PACS1: variants seen among roughly 807,000 people sequenced by gnomAD.
The protein encoded by PACS1 is PACS-1.
Under a neutral mutation model 115.0 loss-of-function variants are expected in PACS1, and 24 were observed. The observed-to-expected ratio is 0.21, with a 90% CI of 0.15 to 0.29. The LOEUF is 0.29. PACS1 is among the 10% of genes least tolerant of loss of function. The pLI is 1.00. For synonymous variants in PACS1, 453 were observed against 504.5 expected (o/e 0.90, Z 1.37); for missense variants, 838 against 1,251.2 (o/e 0.67, Z 4.98).
chr11:66,156,620 C>T (rs1007361314), intron 1 of PACS1, among the ~76,000 whole-genome samples: 73 of 152,018 alleles, frequency 4.8e-4, no homozygotes, highest in African/African-American at 1.5e-3. Context: ...TTTGGGAGGC[C>T]GAGGCAGGCG....
In PACS1 at chr11:66,243,577, G is replaced by A. The variant is rs1285069003; in HGVS notation, c.*297G>A. 2.8e-6 allele frequency: 1 copy of A among 352,438 alleles called. No homozygotes were observed. The highest frequency in any genetic ancestry group is 5.3e-6 in the Non-Finnish European group (1 of 189,888). 21.8% of individuals were successfully genotyped at this position (352,438 alleles called of 1,614,324 possible). On this transcript the variant is annotated 3_prime_UTR_variant, in exon 24 of 24. Coordinates refer to ENST00000320580, the MANE Select transcript of PACS1 (RefSeq NM_018026.4). Reference sequence around the variant, plus strand: ...ATAGTCCCCTGGACTGAGTCCCCCAGGCCTTCCTTCACCCGACTTCCAAAC... The same window carrying A: ...ATAGTCCCCTGGACTGAGTCCCCCAAGCCTTCCTTCACCCGACTTCCAAAC...
chr11:66,149,349 C>T (rs1326926599), intron 1 of PACS1, among the ~76,000 whole-genome samples: 1 of 152,106 alleles, frequency 6.6e-6, no homozygotes, highest in Non-Finnish European at 1.5e-5. Flanking sequence ...GCCTCGGCCT[C>T]CCAAAGTGCT....
At chr11:66,161,301 A>G (rs578001144) in intron 1 of PACS1, among the ~76,000 whole-genome samples, 1 of 152,258 alleles carries the variant, frequency 6.6e-6, no homozygotes, top group Admixed American at 6.5e-5. Context: ...ACTAAAAAAA[A>G]ATTAGCCGGG....
In PACS1 at chr11:66,236,340, C is replaced by T. The variant is rs993804157; in HGVS notation, c.2250+400C>T. ...TGTTTATTACACCAGGCCCTGACCTCGCTGCCTTCACCCGGGGAGTGATGT... is the reference window on the plus strand; with the variant it reads ...TGTTTATTACACCAGGCCCTGACCTTGCTGCCTTCACCCGGGGAGTGATGT... On this transcript the variant is annotated intron_variant, in intron 19 of 23. Coordinates refer to ENST00000320580, the MANE Select transcript of PACS1 (RefSeq NM_018026.4). This position sits in a 1 kb window ranked among gnomAD's most constrained non-coding sequence, Gnocchi z 4.2. 5.3e-5 allele frequency among the ~76,000 whole-genome samples: 8 copies of T among 152,208 alleles called. No individual in the cohort carries two copies. The highest frequency in any genetic ancestry group is 1.2e-4 in the Non-Finnish European group (8 of 68,040).
At chr11:66,187,841 A>G (rs1426719616) in intron 1 of PACS1, among the ~76,000 whole-genome samples, 6 of 152,108 alleles carry the variant, frequency 3.9e-5, no homozygotes, top group African/African-American at 1.4e-4. Context: ...GGATTGCTGG[A>G]TCATGTGGTA....
chr11:66,073,609 A>G (rs1449545976), intron 1 of PACS1, among the ~76,000 whole-genome samples: 1 of 152,228 alleles, frequency 6.6e-6, no homozygotes. Flanking sequence ...GTTGTTCTTC[A>G]GGTAGGTGTC....
At chr11:66,171,463 GCTTT>G (rs1262261908) in intron 1 of PACS1, among the ~76,000 whole-genome samples, 2 of 149,628 alleles carry the variant, frequency 1.3e-5, no homozygotes, top group African/African-American at 2.5e-5. Context: ...CTTAACTTAT[GCTTT>G]CTATTTGTTC....
intron 19 of PACS1, chr11:66,237,996 C>T: frequency 1.1e-6 from 1 of 932,762 alleles, no homozygotes; most frequent in Non-Finnish European, 1.3e-6. Flanking sequence ...GCCCAGCTGC[C>T]TCTTTGCCTA....
At chr11:66,101,535 C>T (rs963456862) in intron 1 of PACS1, among the ~76,000 whole-genome samples, 6 of 151,860 alleles carry the variant, frequency 4.0e-5, no homozygotes, top group African/African-American at 7.3e-5. Flanking sequence ...TTGATCATGA[C>T]GGGGTAGGAA....
intron 1 of PACS1, among the ~76,000 whole-genome samples, chr11:66,100,279 G>C (rs971823645): frequency 2.0e-5 from 3 of 152,106 alleles, no homozygotes; most frequent in African/African-American, 7.2e-5. Flanking sequence ...TTGCATGTTT[G>C]TAAGTACCTC....
At chr11:66,075,976 A>T (rs1857389350) in intron 1 of PACS1, among the ~76,000 whole-genome samples, 1 of 152,138 alleles carries the variant, frequency 6.6e-6, no homozygotes, top group Admixed American at 6.5e-5. Flanking sequence ...TGACCTCGTG[A>T]TCCACCTGCC....
At chr11:66,228,514 C>T (rs190060186) in intron 11 of PACS1, among the ~76,000 whole-genome samples, 7 of 152,240 alleles carry the variant, frequency 4.6e-5, no homozygotes, top group South Asian at 2.1e-4. Flanking sequence ...CACTGTAGTC[C>T]GTACTGCACG....
chr11:66,216,294 C>T (rs779925590), intron 5 of PACS1, 31 bp downstream of exon 5: 11 of 1,611,948 alleles, frequency 6.8e-6, no homozygotes, highest in Admixed American at 1.7e-5. Flanking sequence ...GGAGACCCTA[C>T]GAAGAGGGAG....
chr11:66,121,317 C>T (rs953354812), intron 1 of PACS1, among the ~76,000 whole-genome samples: 4 of 152,184 alleles, frequency 2.6e-5, no homozygotes, highest in African/African-American at 7.2e-5. Flanking sequence ...CCCCATCTCT[C>T]TTCCTCTCCT....
intron 1 of PACS1, among the ~76,000 whole-genome samples, chr11:66,085,394 T>A (rs991790489): frequency 2.6e-5 from 4 of 152,178 alleles, no homozygotes; most frequent in Admixed American, 2.0e-4. Context: ...ATCTTACTGT[T>A]TTATAAAGGC....
At chr11:66,139,932 T>C (rs1363922259) in intron 1 of PACS1, among the ~76,000 whole-genome samples, 1 of 152,172 alleles carries the variant, frequency 6.6e-6, no homozygotes, top group African/African-American at 2.4e-5. Flanking sequence ...CAAACTGTTC[T>C]CCATAGTGGT....
At chr11:66,210,325 T>G (rs760423560) in intron 2 of PACS1, 37 bp from the exon 3 acceptor site, 29 of 1,544,628 alleles carry the variant, frequency 1.9e-5, no homozygotes, top group Non-Finnish European at 2.3e-5. Flanking sequence ...CACAAGCCAC[T>G]GCACCTGGCC....
chr11:66,085,525 C>T (rs1304681687), intron 1 of PACS1, among the ~76,000 whole-genome samples: 1 of 152,278 alleles, frequency 6.6e-6, no homozygotes, highest in East Asian at 1.9e-4. Flanking sequence ...GCTGGGTTTT[C>T]ATTTGTTTCT....
At chr11:66,201,065 A>C (rs965322905) in intron 2 of PACS1, among the ~76,000 whole-genome samples, 1 of 152,098 alleles carries the variant, frequency 6.6e-6, no homozygotes, top group Non-Finnish European at 1.5e-5. Flanking sequence ...CTAAAAATAC[A>C]AAAATTAGCT....
Sources: allele counts gnomAD v4.1 joint callset (sites outside exome capture counted in the v4.1 genomes callset), GRCh38; gene constraint gnomAD v4.1.1; non-coding constraint Gnocchi (gnomAD v3.1); transcripts MANE v1.5; gene names NCBI Gene and HGNC (gene_info 2026-07-23, HGNC 2026-07-21).